The following CMPK2 variants were observed in gnomAD, a reference collection of about 807,000 sequenced individuals.
The protein encoded by CMPK2 is UMP-CMP kinase 2, mitochondrial.
CMPK2 carries 32 observed loss-of-function variants against 33.4 expected under a neutral mutation model. The ratio of observed to expected loss-of-function variants is 0.96; its 90% CI spans 0.72 to 1.29. The LOEUF (loss-of-function observed/expected upper bound fraction) is 1.29. Ranked by LOEUF, CMPK2 falls within the 50% of genes most tolerant of loss-of-function variation. The pLI is 0.00. For synonymous variants in CMPK2, 299 were observed against 275.3 expected, an observed-to-expected ratio of 1.09 and a Z score of -0.85; for missense variants, 672 against 616.0, an observed-to-expected ratio of 1.09 and a Z score of -0.96.
At chr2:6,863,199 C>G (rs11692158) in intron 2 of CMPK2, among the ~76,000 whole-genome samples, 126 of 152,258 alleles carry the variant, frequency 8.3e-4, no homozygotes, top group African/African-American at 2.6e-3. Context: ...ATGCACTCCA[C>G]CCGACAAAGC....
rs182131080 is a variant in CMPK2, at chr2:6,863,266, G to A, written c.790+198C>T. ...TGTTCCGCCAGAGCACTGAGGATCCGCGCCCACACATCATGCTGCTTCATA... is the reference window on the plus strand; with the variant it reads ...TGTTCCGCCAGAGCACTGAGGATCCACGCCCACACATCATGCTGCTTCATA... On this transcript the variant is annotated intron_variant, in intron 2 of 4. Transcript: ENST00000256722. Among the ~76,000 whole-genome samples, 9 of 152,236 alleles carry A rather than the reference G, an allele frequency of 5.9e-5. No individual in the cohort carries two copies. The South Asian group carries it at 6.2e-4, about 11-fold the overall frequency.
In CMPK2 at chr2:6,865,676, G is replaced by C; in HGVS notation, c.21C>G (p.Leu7=). 1 of 1,303,008 alleles carries C rather than the reference G, an allele frequency of 7.7e-7. No homozygotes were observed. The highest frequency in any genetic ancestry group is 9.7e-7 in the Non-Finnish European group (1 of 1,033,334). The allele number at this position is 1,303,008 out of a possible 1,614,324, so 80.7% of individuals were successfully genotyped here. Residue 7 remains leucine, a synonymous_variant, in exon 1 of 5, where the codon CTC becomes CTG. Coordinates refer to ENST00000256722, the MANE Select transcript of CMPK2 (RefSeq NM_207315.4). ...GCGGCCCCGACAGTGGCCCGCGCAG[G>C]AGCCGGCGGGCGAAGGCCATGGGCG... MAFARR[L]LRGPLSGPLL...
chr2:6,865,922 C>T (rs982920960), upstream of CMPK2: 60 of 1,396,550 alleles, frequency 4.3e-5, no homozygotes, highest in African/African-American at 5.2e-4. Flanking sequence ...GATAAACGGC[C>T]GGCGCTCGGG....
downstream of CMPK2, among the ~76,000 whole-genome samples, chr2:6,844,903 T>C (rs1471088637): frequency 6.6e-6 from 1 of 152,208 alleles, no homozygotes; most frequent in African/African-American, 2.4e-5. Flanking sequence ...ATTCCTTAAG[T>C]GGCACAACCA....
chr2:6,859,220 C>T (rs577757064), intron 3 of CMPK2, among the ~76,000 whole-genome samples: 6 of 152,264 alleles, frequency 3.9e-5, no homozygotes, highest in African/African-American at 1.4e-4. Context: ...TAAAGGTATT[C>T]GGTTTTAAAA....
chr2:6,855,314 T>TCTGCCTCTGCCCCTGCCC lies in CMPK2; in HGVS notation c.993-3649_993-3632dup, dbSNP rs1553316156. Among the ~76,000 whole-genome samples, 407 of 48,268 alleles carry TCTGCCTCTGCCCCTGCCC rather than the reference T, an allele frequency of 8.4e-3. 1 individual carries two copies. Among genetic ancestry groups the TCTGCCTCTGCCCCTGCCC allele is most frequent in the African/African-American group, 0.015 (397 of 27,118 alleles). 31.7% of individuals were successfully genotyped at this position (48,268 alleles called of 152,430 possible). A position where few individuals can be genotyped will look rare whatever the true frequency, so the allele number is the denominator to read the frequency against. ...TAGCACTTCCCCCTGCTCTCTCGCCTCTGCCTCTGCCCCTGCCCCTGCCCC... is the reference window on the plus strand; with the variant it reads ...TAGCACTTCCCCCTGCTCTCTCGCCTCTGCCTCTGCCCCTGCCCCTGCCTCTGCCCCTGCCCCTGCCCC... On this transcript the variant is annotated intron_variant, in intron 3 of 4. Coordinates refer to ENST00000256722, the MANE Select transcript of CMPK2 (RefSeq NM_207315.4).
chr2:6,852,349 GTC>G (rs1375423143), intron 3 of CMPK2, among the ~76,000 whole-genome samples: 2 of 152,192 alleles, frequency 1.3e-5, no homozygotes, highest in African/African-American at 4.8e-5. Flanking sequence ...AGTCAAATCA[GTC>G]TCTATTTAAA....
intron 3 of CMPK2, among the ~76,000 whole-genome samples, chr2:6,860,344 T>A (rs150448096): frequency 6.6e-6 from 1 of 152,132 alleles, no homozygotes; most frequent in South Asian, 2.1e-4. Context: ...GACATGAGAT[T>A]TGGGAGAGGC....
Position 6,851,540 on chromosome 2 carries a change from G to C in CMPK2, c.1136C>G (p.Pro379Arg). 1 of 1,614,172 alleles carries C rather than the reference G, an allele frequency of 6.2e-7. No homozygotes were observed. Among genetic ancestry groups the C allele is most frequent in the South Asian group, 1.1e-5 (1 of 91,086 alleles). The change falls in exon 4 of 5, where the codon CCT becomes CGT. Residue 379 changes from proline to arginine, a missense_variant. Pro to Arg is a moderately radical substitution (Grantham distance 103, BLOSUM62 -2). Transcript: ENST00000256722. Reference protein sequence around the residue: ...PDLILLLTVSPEERLQRLQGR... With the variant: ...PDLILLLTVSREERLQRLQGR... Reference sequence around the variant, plus strand: ...CTGCAGCCTCTGCAACCTCTCCTCAGGACTCACAGTGAGCAGCAGGATAAG... The same window carrying C: ...CTGCAGCCTCTGCAACCTCTCCTCACGACTCACAGTGAGCAGCAGGATAAG...
Position 6,843,092 on chromosome 2 carries a change from G to A in CMPK2, c.993-2414C>T, listed in dbSNP as rs1662271107. ...GAATTCAGAGAGGTGTTTTGATAAT[G>A]CTTGCCCAAACAAGTGGGGGCTGTC... On this transcript the variant is annotated intron_variant, in intron 3 of 3. Coordinates refer to the CMPK2 transcript ENST00000458098. Among the ~76,000 whole-genome samples, 6 of 152,320 alleles carry A rather than the reference G, an allele frequency of 3.9e-5. No individual in the cohort carries two copies. In the South Asian group the frequency reaches 1.2e-3, roughly 32 times the overall value.
Position 6,865,853 on chromosome 2 carries a change from C to T in CMPK2, c.-157G>A. The T allele has an allele frequency of 3.0e-6, 4 of 1,322,148 alleles. No homozygotes were observed. The highest frequency in any genetic ancestry group is 3.9e-6 in the Non-Finnish European group (4 of 1,038,942). The allele number at this position is 1,322,148 out of a possible 1,614,324, so 81.9% of individuals were successfully genotyped here. On this transcript the variant is annotated 5_prime_UTR_variant, in exon 1 of 5. Coordinates refer to ENST00000256722, the MANE Select transcript of CMPK2 (RefSeq NM_207315.4). ...ACGAAAGCCGGAGGCCCAGGCGGGG[C>T]AGGAGCCCTGGGGCTGGGGCGCCCT... is the stretch of plus-strand genomic sequence containing the variant.
rs1361573674 is a variant in CMPK2, at chr2:6,865,521, TCGGGGGCGTCTGCGTCGC to T, written c.158_175del (p.Gly53_Pro58del). Reference sequence around the variant, plus strand: ...CCCCAGCAGCGCCGCCAGGCGGGGGTCGGGGGCGTCTGCGTCGCCGGGGGCGTCGGCGCCTAGGGCGAA... The same window carrying T: ...CCCCAGCAGCGCCGCCAGGCGGGGGTCGGGGGCGTCGGCGCCTAGGGCGAA... On this transcript the variant is annotated inframe_deletion, in exon 1 of 5. Transcript: ENST00000256722. The T allele has an allele frequency of 1.0e-5, 13 of 1,286,250 alleles. No individual in the cohort carries two copies. Among genetic ancestry groups the T allele is most frequent in the Non-Finnish European group, 1.3e-5 (13 of 1,021,562 alleles). 79.7% of individuals were successfully genotyped at this position (1,286,250 alleles called of 1,614,324 possible).
Position 6,851,545 on chromosome 2 carries a change from C to T in CMPK2, c.1131G>A (p.Val377=). 1 of 1,614,232 alleles carries T rather than the reference C, an allele frequency of 6.2e-7. No individual in the cohort carries two copies. ...LKPDLILLLT[V]SPEERLQRLQ... The stretch of plus-strand genomic sequence containing the variant: ...GCCTCTGCAACCTCTCCTCAGGACT[C>T]ACAGTGAGCAGCAGGATAAGGTCAG... Residue 377 remains valine (V), a synonymous_variant, in exon 4 of 5, where the codon GTG becomes GTA. Transcript: ENST00000256722.
chr2:6,843,806 T>G (rs1473548397), downstream of CMPK2, among the ~76,000 whole-genome samples: 1 of 152,124 alleles, frequency 6.6e-6, no homozygotes, highest in African/African-American at 2.4e-5. Context: ...ACCATGGTTG[T>G]GATATGGGAG....
intron 2 of CMPK2, 54 bp from the exon 3 acceptor site, chr2:6,861,439 T>C (rs1196531637): frequency 1.4e-5 from 20 of 1,389,364 alleles, no homozygotes; most frequent in East Asian, 4.7e-5. Flanking sequence ...AAAGTTAACA[T>C]TGACGTAGAA....
At position 6,865,204 on chromosome 2, in the gene CMPK2, C is replaced by G. The variant is rs777234190; in HGVS notation, c.493G>C (p.Glu165Gln). Residue 165 changes from glutamate (E) to glutamine (Q), a missense_variant, in exon 1 of 5, where the codon GAG becomes CAG. By Grantham distance (29) the Glu-to-Gln change is conservative (BLOSUM62 2). Transcript: ENST00000256722. ...CACAGCTGGCCGCGCGGGTCGGCCT[C>G]GAACTCGCCCAAGTGCGGGCGTGGT... ...EAPRPHLGEF[E>Q]ADPRGQLWQR... The G allele has an allele frequency of 1.2e-5, 19 of 1,533,810 alleles. No individual in the cohort carries two copies. In the Middle Eastern group the frequency reaches 1.0e-3, roughly 82 times the overall value.
Position 6,865,218 on chromosome 2 carries a change from T to G in CMPK2, c.479A>C (p.His160Pro), listed in dbSNP as rs773984493. The part of the protein sequence containing the change: ...LGACQEAPRP[H>P]LGEFEADPRG... Reference sequence around the variant, plus strand: ...CGGGTCGGCCTCGAACTCGCCCAAGTGCGGGCGTGGTGCCTCCTGACAGGC... The same window carrying G: ...CGGGTCGGCCTCGAACTCGCCCAAGGGCGGGCGTGGTGCCTCCTGACAGGC... The change falls in exon 1 of 5, where the codon CAC becomes CCC. Residue 160 changes from histidine to proline, a missense_variant. By Grantham distance (77) the His-to-Pro change is moderately conservative (BLOSUM62 -2). Transcript: ENST00000256722. The G allele has an allele frequency of 2.0e-6, 3 of 1,535,014 alleles. No individual in the cohort carries two copies. In the South Asian group the frequency reaches 3.6e-5, roughly 18 times the overall value.
At chr2:6,857,917 G>A (rs957884129) in intron 3 of CMPK2, among the ~76,000 whole-genome samples, 1 of 152,072 alleles carries the variant, frequency 6.6e-6, no homozygotes, top group African/African-American at 2.4e-5. Flanking sequence ...TTTCTTACAG[G>A]TGAATTTTTA....
chr2:6,842,779 C>T (rs1171219926), intron 3 of CMPK2, among the ~76,000 whole-genome samples: 1 of 152,120 alleles, frequency 6.6e-6, no homozygotes, highest in South Asian at 2.1e-4. Flanking sequence ...TATCCACAAT[C>T]TGCAAAAAAC....
Sources: gnomAD v4.1 joint callset for allele counts (sites outside exome capture counted in the v4.1 genomes callset) on GRCh38, gnomAD v4.1.1 for gene constraint, MANE v1.5 for transcripts, NCBI Gene and HGNC (gene_info 2026-07-23, HGNC 2026-07-21) for gene names.